MLIP: variants seen among roughly 807,000 people sequenced by gnomAD.
MLIP encodes the protein muscular LMNA-interacting protein.
Under a neutral mutation model 84.8 loss-of-function variants are expected in MLIP, and 79 were observed. The ratio of observed to expected loss-of-function variants is 0.93; its 90% CI spans 0.78 to 1.12. The LOEUF (loss-of-function observed/expected upper bound fraction) is 1.12. Among genes scored for constraint, MLIP ranks in the 50% most tolerant of loss-of-function variants. MLIP has a pLI of 0.00. For synonymous variants in MLIP, 504 were observed against 463.0 expected (o/e 1.09, Z -1.14); for missense variants, 1,257 against 1,160.6 (o/e 1.08, Z -1.21).
intron 10 of MLIP, among the ~76,000 whole-genome samples, chr6:54,190,175 T>A (rs887881209): frequency 6.6e-6 from 1 of 152,008 alleles, no homozygotes; most frequent in Non-Finnish European, 1.5e-5. Flanking sequence ...TGAGGTCAGA[T>A]GAAAGATGCC....
In MLIP at chr6:54,250,855, C is replaced by T. The variant is rs567960110; in HGVS notation, c.2923-6453C>T. On this transcript the variant is annotated intron_variant, in intron 12 of 13. Transcript: ENST00000502396. ...CCTCTGGGAAAAATATGCCTTCATC[C>T]TTTTAGTTTAGGTTAGATTCATCTA... Among the ~76,000 whole-genome samples, 4 of 152,112 alleles carry T rather than the reference C, an allele frequency of 2.6e-5. No individual in the cohort carries two copies. In the South Asian group the frequency reaches 8.3e-4, roughly 32 times the overall value.
chr6:54,215,229 T>C lies in MLIP; in HGVS notation c.2718+12996T>C, dbSNP rs76862365. On this transcript the variant is annotated intron_variant, in intron 11 of 13. Coordinates refer to ENST00000502396, the MANE Select transcript of MLIP (RefSeq NM_001281747.2). ...CATTGAGGAACCCTATCCTTGTGGCTAGTTACTGTAGCCTTTGACTTTCCT... is the reference window on the plus strand; with the variant it reads ...CATTGAGGAACCCTATCCTTGTGGCCAGTTACTGTAGCCTTTGACTTTCCT... 2,530 of 1,527,974 alleles carry C rather than the reference T, an allele frequency of 1.7e-3. 33 individuals are homozygous for C. In the African/African-American group the frequency reaches 0.028, roughly 17 times the overall value. 94.7% of individuals were successfully genotyped at this position (1,527,974 alleles called of 1,614,324 possible).
At chr6:54,110,879 C>G (rs1769401094), upstream of MLIP, among the ~76,000 whole-genome samples, 1 of 152,188 alleles carries the variant, frequency 6.6e-6, no homozygotes, top group South Asian at 2.1e-4. Flanking sequence ...TGATTCCAAG[C>G]TTTATTTTAG....
intron 1 of MLIP, among the ~76,000 whole-genome samples, chr6:54,036,823 T>C (rs1377134124): frequency 2.0e-5 from 3 of 151,984 alleles, no homozygotes; most frequent in Admixed American, 6.6e-5. Context: ...AGCCAAGATA[T>C]GGAAGGTTCC....
In MLIP at chr6:54,213,728, A is replaced by C. The variant is rs867396498; in HGVS notation, c.2718+11495A>C. On this transcript the variant is annotated intron_variant, in intron 11 of 13. Transcript: ENST00000502396. Reference sequence around the variant, plus strand: ...GTCTCAAAAAAAAAAAAAAAAAAAAAAAAAAAAACAACAAACAGCATATCT... The same window carrying C: ...GTCTCAAAAAAAAAAAAAAAAAAAACAAAAAAAACAACAAACAGCATATCT... Among the ~76,000 whole-genome samples the C allele has an allele frequency of 3.7e-3, 152 of 40,880 alleles. 10 individuals carry two copies. Among genetic ancestry groups the C allele is most frequent in the African/African-American group, 7.6e-3 (145 of 19,192 alleles). 26.8% of individuals were successfully genotyped at this position (40,880 alleles called of 152,430 possible).
At chr6:54,096,893 G>A (rs371390270) in intron 1 of MLIP, among the ~76,000 whole-genome samples, 2 of 152,208 alleles carry the variant, frequency 1.3e-5, no homozygotes, top group East Asian at 1.9e-4. Flanking sequence ...TAGATGAGAC[G>A]GAGAGAGCTG....
upstream of MLIP, among the ~76,000 whole-genome samples, chr6:54,109,575 T>TA (rs911030145): frequency 6.6e-6 from 1 of 152,050 alleles, no homozygotes; most frequent in East Asian, 1.9e-4. Context: ...TTGCTTGAAA[T>TA]ACTTGCTATT....
chr6:54,107,324 C>G (rs1288840036), upstream of MLIP, among the ~76,000 whole-genome samples: 1 of 152,130 alleles, frequency 6.6e-6, no homozygotes, highest in African/African-American at 2.4e-5. Flanking sequence ...GCAGTAATAA[C>G]AGAAGTAGAA....
chr6:54,167,329 C>A (rs1041810032), intron 8 of MLIP, among the ~76,000 whole-genome samples: 2 of 548 alleles, frequency 3.6e-3, no homozygotes, highest in African/African-American at 8.8e-3. Flanking sequence ...CTCTCCTTTA[C>A]TCACTCCATC....
intron 11 of MLIP, among the ~76,000 whole-genome samples, chr6:54,223,291 C>T (rs910267284): frequency 1.5e-4 from 11 of 71,920 alleles, no homozygotes; most frequent in Admixed American, 5.7e-4. Flanking sequence ...CTTTTGCTGT[C>T]GTATCAACAA....
chr6:54,227,462 C>T (rs1005225991), intron 11 of MLIP, among the ~76,000 whole-genome samples: 1 of 151,908 alleles, frequency 6.6e-6, no homozygotes, highest in African/African-American at 2.4e-5. Flanking sequence ...GAAAATTTTC[C>T]AAAATGTTAC....
At chr6:54,162,690 A>T (rs927780955) in intron 8 of MLIP, among the ~76,000 whole-genome samples, 2 of 151,960 alleles carry the variant, frequency 1.3e-5, no homozygotes, top group Admixed American at 6.6e-5. Flanking sequence ...TTGAGGATAG[A>T]CAACAGTGAA....
At chr6:54,147,659 G>A (rs1191048907) in intron 4 of MLIP, among the ~76,000 whole-genome samples, 1 of 152,118 alleles carries the variant, frequency 6.6e-6, no homozygotes, top group Non-Finnish European at 1.5e-5. Context: ...CAGCTTCGGA[G>A]CTCTTGTGCA....
intron 1 of MLIP, among the ~76,000 whole-genome samples, chr6:54,101,093 G>T (rs1428604444): frequency 6.6e-6 from 1 of 152,106 alleles, no homozygotes; most frequent in Non-Finnish European, 1.5e-5. Flanking sequence ...ACTTGCCACT[G>T]ATTGTCATGT....
In MLIP at chr6:54,031,231, A is replaced by T. The variant is rs77710606; in HGVS notation, c.63+12140A>T. ...TCAGAGTAATTTTTTTTTGTAAAAA[A>T]ATTGTACTGTAACCTCACATTTTTA... On this transcript the variant is annotated intron_variant, in intron 1 of 12. Transcript: ENST00000274897. 2.1e-3 allele frequency among the ~76,000 whole-genome samples: 317 copies of T among 152,168 alleles called. 3 individuals carry two copies. Among genetic ancestry groups the T allele is most frequent in the East Asian group, 0.011 (55 of 5,190 alleles).
chr6:54,169,969 C>G (rs542111318), intron 9 of MLIP, among the ~76,000 whole-genome samples: 3 of 151,820 alleles, frequency 2.0e-5, no homozygotes, highest in African/African-American at 7.2e-5. Context: ...TCAACTTTGA[C>G]TCTTTTGTTG....
At chr6:54,248,182 A>G (rs1471686344) in intron 12 of MLIP, among the ~76,000 whole-genome samples, 2 of 152,188 alleles carry the variant, frequency 1.3e-5, no homozygotes, top group African/African-American at 4.8e-5. Flanking sequence ...AAACAGAGAG[A>G]GAAAAATATT....
At chr6:54,095,479 T>A (rs1768146413) in intron 1 of MLIP, among the ~76,000 whole-genome samples, 1 of 152,142 alleles carries the variant, frequency 6.6e-6, no homozygotes, top group African/African-American at 2.4e-5. Context: ...TCCTATTTAC[T>A]GATGACCAGA....
chr6:54,183,653 A>C (rs1169100230), intron 9 of MLIP, among the ~76,000 whole-genome samples: 1 of 151,720 alleles, frequency 6.6e-6, no homozygotes, highest in Non-Finnish European at 1.5e-5. Flanking sequence ...AACTTAAAAA[A>C]ATTTCTATAT....
Sources: allele counts gnomAD v4.1 joint callset (sites outside exome capture counted in the v4.1 genomes callset), GRCh38; gene constraint gnomAD v4.1.1; transcripts MANE v1.5; gene names NCBI Gene and HGNC (gene_info 2026-07-23, HGNC 2026-07-21).